The following TSPAN4 variants were observed in gnomAD, a reference collection of about 807,000 sequenced individuals.
TSPAN4 encodes the protein tetraspanin 4, also known as tetraspanin-4.
Under a neutral mutation model 31.5 loss-of-function variants are expected in TSPAN4, and 38 were observed. That is an observed-to-expected ratio of 1.21 (90% CI 0.93 to 1.58). The LOEUF (loss-of-function observed/expected upper bound fraction) is 1.58. TSPAN4 is among the 40% of genes most tolerant of loss of function. The pLI is 0.00. For synonymous variants in TSPAN4, 186 were observed against 144.6 expected (o/e 1.29, Z -2.06); for missense variants, 330 against 317.3 (o/e 1.04, Z -0.30).
rs767406424 is a variant in TSPAN4 at position 862,598 on chromosome 11, CAG to C, written c.113_114del (p.Gln38ArgfsTer74). On this transcript the variant is annotated frameshift_variant, in exon 4 of 9. Coordinates refer to ENST00000397397, the MANE Select transcript of TSPAN4 (RefSeq NM_003271.5). LOFTEE classifies it high-confidence loss of function. The part of the protein sequence containing the change: ...LGVGIWLAAT[Q>X]GSFATLSSSF... ...TGTCGGCATCTGGCTGGCCGCCACACAGGGGAGCTTCGCCACGCTGTCCTCTT... is the reference window on the plus strand; with the variant it reads ...TGTCGGCATCTGGCTGGCCGCCACACGGGAGCTTCGCCACGCTGTCCTCTT... 2.0e-5 allele frequency: 32 copies of C among 1,612,624 alleles called. No individual in the cohort carries two copies. The highest frequency in any genetic ancestry group is 1.7e-4 in the Middle Eastern group (1 of 5,958).
chr11:849,873 C>T (rs1847551403), intron 2 of TSPAN4: 2 of 147,624 alleles, frequency 1.4e-5, no homozygotes, highest in Non-Finnish European at 3.0e-5. Flanking sequence ...TGGGTTCCGC[C>T]GCCGGGGTCC....
In TSPAN4 at chr11:865,596, G is replaced by A. The variant is rs1848731240; in HGVS notation, c.414G>A (p.Trp138Ter). 3 of 1,612,956 alleles carry A rather than the reference G, an allele frequency of 1.9e-6. No homozygotes were observed. The highest frequency in any genetic ancestry group is 1.7e-6 in the Non-Finnish European group (2 of 1,179,886). ...TQGNVGLTNAWSIIQTDFRCC... is the reference protein window; with the variant it reads ...TQGNVGLTNA ...GCAACGTGGGCCTCACCAACGCCTG[G>A]AGCATCATCCAGACCGACGTGAGGC... The change falls in exon 6 of 9, where the codon TGG (tryptophan) becomes TGA (stop). Residue 138 changes from tryptophan to a stop codon, truncating the protein, a stop_gained. Coordinates refer to ENST00000397397, the MANE Select transcript of TSPAN4 (RefSeq NM_003271.5). LOFTEE classifies it high-confidence loss of function.
intron 1 of TSPAN4, among the ~76,000 whole-genome samples, chr11:846,479 C>T (rs967769355): frequency 1.3e-5 from 2 of 152,190 alleles, no homozygotes; most frequent in African/African-American, 2.4e-5. Context: ...TTACCTCACT[C>T]CAGAGAGCTA....
intron 3 of TSPAN4, among the ~76,000 whole-genome samples, chr11:861,884 C>A (rs1848478343): frequency 1.3e-5 from 2 of 152,146 alleles, no homozygotes; most frequent in Non-Finnish European, 2.9e-5. Flanking sequence ...GATGGTGCCA[C>A]TGCACTCCAG....
intron 3 of TSPAN4, chr11:856,757 A>T (rs1233918974): frequency 6.6e-6 from 1 of 152,290 alleles, no homozygotes; most frequent in Non-Finnish European, 1.5e-5. Context: ...TCCTGGCCTC[A>T]GCCCTGCTCA....
In TSPAN4 at chr11:853,234, T is replaced by C. The variant is rs111543441; in HGVS notation, c.63+2867T>C. On this transcript the variant is annotated intron_variant, in intron 3 of 8. Coordinates refer to ENST00000397397, the MANE Select transcript of TSPAN4 (RefSeq NM_003271.5). ...CCTTAGCTTTGCTCTCCTGTGCCCTTAACCCCAGCCTGGCACCCCTCTCTC... is the reference window on the plus strand; with the variant it reads ...CCTTAGCTTTGCTCTCCTGTGCCCTCAACCCCAGCCTGGCACCCCTCTCTC... Among the ~76,000 whole-genome samples the C allele has an allele frequency of 2.9e-3, 447 of 152,224 alleles. 2 individuals carry two copies. Among genetic ancestry groups the C allele is most frequent in the African/African-American group, 0.01 (430 of 41,518 alleles).
At chr11:849,644 G>A (rs1847515626) in intron 2 of TSPAN4, among the ~76,000 whole-genome samples, 2 of 152,106 alleles carry the variant, frequency 1.3e-5, no homozygotes, top group African/African-American at 4.8e-5. Flanking sequence ...GGGGGCTGGG[G>A]CGCCGGCGCG....
At chr11:864,724 C>T (rs1565148116) in intron 5 of TSPAN4, 1 of 620,524 alleles carries the variant, frequency 1.6e-6, no homozygotes, top group Non-Finnish European at 2.8e-6. Flanking sequence ...GGCACAAGGG[C>T]ACTGCTACCC....
intron 4 of TSPAN4, 194 bp downstream of exon 4, chr11:862,935 G>A: frequency 1.6e-6 from 1 of 610,230 alleles, no homozygotes; most frequent in Non-Finnish European, 2.8e-6. Context: ...GCTGGGGGGT[G>A]ATTTGCAGAG....
Position 850,302 on chromosome 11 carries a change from G to C in TSPAN4, c.-3G>C. On this transcript the variant is annotated 5_prime_UTR_variant, in exon 3 of 9. Transcript: ENST00000397397. ...CTTCCTCCTAGAACTGAAGCGCTGCGGCATGGCGCGCGCCTGCCTCCAGGC... is the reference window on the plus strand; with the variant it reads ...CTTCCTCCTAGAACTGAAGCGCTGCCGCATGGCGCGCGCCTGCCTCCAGGC... 1 of 1,606,902 alleles carries C rather than the reference G, an allele frequency of 6.2e-7. No homozygotes were observed. Among genetic ancestry groups the C allele is most frequent in the South Asian group, 1.1e-5 (1 of 90,732 alleles).
intron 3 of TSPAN4, chr11:856,925 G>C (rs553739419): frequency 6.6e-6 from 1 of 152,390 alleles, no homozygotes; most frequent in South Asian, 2.1e-4. Context: ...CATTTTATCT[G>C]TGTGGGTCTG....
intron 3 of TSPAN4, among the ~76,000 whole-genome samples, chr11:852,594 G>A: frequency 6.6e-6 from 1 of 152,176 alleles, no homozygotes; most frequent in South Asian, 2.1e-4. Context: ...GTCCCGGGCT[G>A]ATGTCCACGC....
At chr11:856,482 A>T (rs573503274) in intron 3 of TSPAN4, among the ~76,000 whole-genome samples, 1 of 152,324 alleles carries the variant, frequency 6.6e-6, no homozygotes, top group South Asian at 2.1e-4. Flanking sequence ...CCCAGCTGCC[A>T]TCATTCCTAG....
At chr11:850,112 C>T in intron 2 of TSPAN4, 176 bp from the exon 3 acceptor site, 2 of 478,512 alleles carry the variant, frequency 4.2e-6, no homozygotes, top group Non-Finnish European at 7.4e-6. Context: ...CGCGCGGCGG[C>T]CCCTTCCGGC....
At position 856,055 on chromosome 11, in the gene TSPAN4, G is replaced by A. The variant is rs545561076; in HGVS notation, c.63+5688G>A. The stretch of plus-strand genomic sequence containing the variant: ...CCCAAGGCCTACAGGAGGCTCAAGG[G>A]GGCCGTCCCGCAGCACCTGCCCAAG... On this transcript the variant is annotated intron_variant, in intron 3 of 8. Coordinates refer to ENST00000397397, the MANE Select transcript of TSPAN4 (RefSeq NM_003271.5). 5.9e-5 allele frequency among the ~76,000 whole-genome samples: 9 copies of A among 152,328 alleles called. No homozygotes were observed. The East Asian group carries it at 1.7e-3, about 29-fold the overall frequency.
In TSPAN4 at chr11:850,268, C is replaced by G. The variant is rs770155794; in HGVS notation, c.-17-20C>G. The stretch of plus-strand genomic sequence containing the variant: ...AGTACGTGGTTTTCTACCTGGACCT[C>G]TCCTTCATCTTCCTCCTAGAACTGA... On this transcript the variant is annotated intron_variant, in intron 2 of 8. Transcript: ENST00000397397. The G allele has an allele frequency of 1.9e-6, 3 of 1,592,620 alleles. No homozygotes were observed. The highest frequency in any genetic ancestry group is 2.3e-5 in the East Asian group (1 of 43,944).
chr11:858,877 A>G (rs1848229764), intron 3 of TSPAN4, among the ~76,000 whole-genome samples: 1 of 74,866 alleles, frequency 1.3e-5, no homozygotes, highest in South Asian at 4.6e-4. Context: ...GCTCCCATGC[A>G]CCCCTGGGTC....
At chr11:856,567 C>T (rs561354470) in intron 3 of TSPAN4, among the ~76,000 whole-genome samples, 91 of 152,326 alleles carry the variant, frequency 6.0e-4, no homozygotes, top group African/African-American at 2.1e-3. Context: ...GGCGGGGCAG[C>T]AGTGAGGGAG....
At position 845,244 on chromosome 11, in the gene TSPAN4, G is replaced by T. The variant is rs531938757; in HGVS notation, c.-117-1957G>T. Among the ~76,000 whole-genome samples, 45 of 152,286 alleles carry T rather than the reference G, an allele frequency of 3.0e-4. 1 individual carries two copies. The highest frequency in any genetic ancestry group is 1.5e-5 in the Non-Finnish European group (1 of 68,002). ...CAGGGTGCTGTGGGATGGGGTGGGTGCACACGGCGCCACGAGCACACGTGC... is the reference window on the plus strand; with the variant it reads ...CAGGGTGCTGTGGGATGGGGTGGGTTCACACGGCGCCACGAGCACACGTGC... On this transcript the variant is annotated intron_variant, in intron 1 of 8. Coordinates refer to ENST00000397397, the MANE Select transcript of TSPAN4 (RefSeq NM_003271.5).
Sources: gnomAD v4.1 joint callset for allele counts (sites outside exome capture counted in the v4.1 genomes callset) on GRCh38, gnomAD v4.1.1 for gene constraint, MANE v1.5 for transcripts, NCBI Gene and HGNC (gene_info 2026-07-23, HGNC 2026-07-21) for gene names.